Variants in SPHKAP observed in about 807,000 individuals in gnomAD.
SPHKAP encodes the protein A-kinase anchor protein SPHKAP.
SPHKAP carries 67 observed loss-of-function variants against 137.5 expected under a neutral mutation model. That is an observed-to-expected ratio of 0.49 (90% CI 0.40 to 0.60). The LOEUF (loss-of-function observed/expected upper bound fraction) is 0.60. Among genes scored for constraint, SPHKAP ranks in the 20% least tolerant of loss-of-function variants. The probability of loss-of-function intolerance (pLI) is 0.00; values close to 1 mark genes in which losing one functional copy is unlikely to be tolerated. For synonymous variants in SPHKAP, 813 were observed against 785.3 expected (o/e 1.04, Z -0.59); for missense variants, 2,097 against 2,069.3 (o/e 1.01, Z -0.26).
Position 228,017,772 on chromosome 2 carries a change from G to A in SPHKAP, c.3082C>T (p.Leu1028Phe), listed in dbSNP as rs1694666394. The stretch of plus-strand genomic sequence containing the variant: ...TTGACAGAATCTGGGACATCTTCAA[G>A]GTTCATGGACTCATCCACAACCCTG... ...MNRVVDESMN[L>F]EDVPDSVNLF... is the part of the protein sequence containing the mutation. Residue 1028 changes from leucine to phenylalanine, a missense_variant, in exon 7 of 12, where the codon CTT becomes TTT. Transcript: ENST00000392056. 6.2e-7 allele frequency: 1 copy of A among 1,614,110 alleles called. No individual in the cohort carries two copies. The highest frequency in any genetic ancestry group is 8.5e-7 in the Non-Finnish European group (1 of 1,180,032).
At position 228,105,238 on chromosome 2, in the gene SPHKAP, G is replaced by GA. The variant is rs1698303503; in HGVS notation, c.246+3593dup. 2.0e-5 allele frequency among the ~76,000 whole-genome samples: 3 copies of GA among 152,230 alleles called. No homozygotes were observed. In the East Asian group the frequency reaches 5.8e-4, roughly 29 times the overall value. Reference sequence around the variant, plus strand: ...CTGCCTCAGCCTCCCAAAGTGCTGTGATTATTGGCGTGAGCCACAATGCCT... The same window carrying GA: ...CTGCCTCAGCCTCCCAAAGTGCTGTGAATTATTGGCGTGAGCCACAATGCCT... On this transcript the variant is annotated intron_variant, in intron 3 of 11. Transcript: ENST00000392056.
rs1700921374 is a variant in SPHKAP, at chr2:228,181,672, C to A, written c.-74G>T. The A allele has an allele frequency of 1.9e-6, 3 of 1,613,716 alleles. No individual in the cohort carries two copies. Among genetic ancestry groups the A allele is most frequent in the Non-Finnish European group, 2.5e-6 (3 of 1,179,840 alleles). On this transcript the variant is annotated 5_prime_UTR_variant, in exon 1 of 12. Transcript: ENST00000392056. The surrounding 1 kb of genome is among the most constrained non-coding windows in gnomAD (Gnocchi z 4.3). ...AAGTCTGTGGTGCTAGGACCCAGCTCCCAGAGTGCCAGACTGGCGCGCGCC... is the reference window on the plus strand; with the variant it reads ...AAGTCTGTGGTGCTAGGACCCAGCTACCAGAGTGCCAGACTGGCGCGCGCC...
At chr2:228,025,373 T>C (rs767532362) in intron 5 of SPHKAP, 21 bp downstream of exon 5, 8 of 1,612,990 alleles carry the variant, frequency 5.0e-6, no homozygotes, top group Non-Finnish European at 6.8e-6. Flanking sequence ...GTAAATGGCT[T>C]ATCAAGAACT....
chr2:228,035,524 A>T (rs2106247769), intron 3 of SPHKAP, among the ~76,000 whole-genome samples: 1 of 152,288 alleles, frequency 6.6e-6, no homozygotes, highest in Non-Finnish European at 1.5e-5. Context: ...AGAATTGGAA[A>T]AAACTACTTT....
chr2:228,003,978 G>A (rs1254934512), intron 7 of SPHKAP, among the ~76,000 whole-genome samples: 1 of 152,110 alleles, frequency 6.6e-6, no homozygotes, highest in Admixed American at 6.6e-5. Flanking sequence ...TTTTAGTGAG[G>A]ACTTTTGCAT....
intron 2 of SPHKAP, among the ~76,000 whole-genome samples, chr2:228,128,496 C>T (rs1436239414): frequency 1.3e-5 from 2 of 152,072 alleles, no homozygotes; most frequent in African/African-American, 4.8e-5. Flanking sequence ...AACTTTCAAA[C>T]TCATGTTTAT....
At chr2:228,110,013 A>G (rs1698470507) in intron 2 of SPHKAP, among the ~76,000 whole-genome samples, 1 of 149,926 alleles carries the variant, frequency 6.7e-6, no homozygotes, top group Non-Finnish European at 1.5e-5. Flanking sequence ...TCATCTTTTA[A>G]AAGATTCCCA....
rs1256291682 is a variant in SPHKAP at position 228,019,425 on chromosome 2, C to A, written c.1429G>T (p.Val477Phe). ...ISSWPEMEVSVETSSILSGEN... is the reference protein window; with the variant it reads ...ISSWPEMEVSFETSSILSGEN... ...CCAGAGAGGATGCTTGAGGTTTCAA[C>A]AGAGACTTCCATCTCAGGCCAGGAG... Residue 477 changes from valine to phenylalanine, a missense_variant, in exon 7 of 12, where the codon GTT becomes TTT. Coordinates refer to ENST00000392056, the MANE Select transcript of SPHKAP (RefSeq NM_001142644.2). 6.2e-7 allele frequency: 1 copy of A among 1,614,180 alleles called. No individual in the cohort carries two copies. The highest frequency in any genetic ancestry group is 1.3e-5 in the African/African-American group (1 of 75,058).
chr2:228,094,645 A>C (rs913354695), intron 3 of SPHKAP, among the ~76,000 whole-genome samples: 6 of 152,170 alleles, frequency 3.9e-5, no homozygotes, highest in Non-Finnish European at 8.8e-5. Flanking sequence ...ATTAGGATGA[A>C]GATGGTGAAT....
intron 1 of SPHKAP, chr2:228,173,003 T>C: frequency 2.0e-6 from 2 of 984,010 alleles, no homozygotes; most frequent in South Asian, 9.4e-5. Flanking sequence ...TGAATAGCAT[T>C]AATGACCACT....
intron 7 of SPHKAP, among the ~76,000 whole-genome samples, chr2:227,998,379 C>T (rs186350163): frequency 1.3e-5 from 2 of 152,242 alleles, no homozygotes; most frequent in East Asian, 3.9e-4. Flanking sequence ...GAAATGTAAA[C>T]GTGTTCATGG....
intron 3 of SPHKAP, among the ~76,000 whole-genome samples, chr2:228,030,513 C>CAAAAAAAAAAAAAAAAAAAAACAAAAAA (rs11287311): frequency 6.2e-5 from 3 of 48,774 alleles, no homozygotes; most frequent in East Asian, 6.4e-4. Context: ...GATACCATCT[C>CAAAAAAAAAAAAAAAAAAAAACAAAAAA]AAAAAAAAAA....
In SPHKAP at chr2:228,038,687, C is replaced by G. The variant is rs150730769; in HGVS notation, c.247-11144G>C. Among the ~76,000 whole-genome samples, 4 of 152,272 alleles carry G rather than the reference C, an allele frequency of 2.6e-5. No homozygotes were observed. The East Asian group carries it at 7.7e-4, about 29-fold the overall frequency. On this transcript the variant is annotated intron_variant, in intron 3 of 11. Coordinates refer to ENST00000392056, the MANE Select transcript of SPHKAP (RefSeq NM_001142644.2). ...TGGATTTTCCTGCAGTCTTCACATC[C>G]TGTTAGTTCATGAGGGCAGGCCCTG...
At chr2:227,996,773 T>C (rs1035862653) in intron 7 of SPHKAP, among the ~76,000 whole-genome samples, 19 of 152,342 alleles carry the variant, frequency 1.2e-4, no homozygotes, top group Non-Finnish European at 1.8e-4. Context: ...TTCTCCTCTT[T>C]GCCCTTTACA....
chr2:228,060,570 TC>T, intron 3 of SPHKAP, among the ~76,000 whole-genome samples: 1 of 152,226 alleles, frequency 6.6e-6, no homozygotes, highest in Non-Finnish European at 1.5e-5. Flanking sequence ...TTTCAGCATG[TC>T]TTTTTCTGTA....
intron 3 of SPHKAP, among the ~76,000 whole-genome samples, 153 bp from the exon 4 acceptor site, chr2:228,027,696 A>C (rs1695097943): frequency 6.6e-6 from 1 of 152,162 alleles, no homozygotes; most frequent in Admixed American, 6.5e-5. Context: ...GGGCGGGCGC[A>C]GTGGCTTATG....
At chr2:228,155,175 T>C (rs1250636854) in intron 1 of SPHKAP, among the ~76,000 whole-genome samples, 2 of 152,178 alleles carry the variant, frequency 1.3e-5, no homozygotes, top group Non-Finnish European at 2.9e-5. Context: ...ATCTGTTTAA[T>C]GGTTAACAAT....
At chr2:228,012,182 A>G (rs1337007296) in intron 7 of SPHKAP, among the ~76,000 whole-genome samples, 2 of 110,244 alleles carry the variant, frequency 1.8e-5, no homozygotes, top group Non-Finnish European at 2.0e-5. Flanking sequence ...AAAAAAAAAA[A>G]AAAAAAGAAA....
chr2:228,073,035 G>C lies in SPHKAP; in HGVS notation c.246+35797C>G, dbSNP rs1380907206. ...GTTGCTTTATGCTACTAAATTTTAG[G>C]TTAATTTGTTGTTCAGCCATACTAA... On this transcript the variant is annotated intron_variant, in intron 3 of 11. Transcript: ENST00000392056. Among the ~76,000 whole-genome samples the C allele has an allele frequency of 5.3e-5, 8 of 152,204 alleles. No individual in the cohort carries two copies. The East Asian group carries it at 1.5e-3, about 29-fold the overall frequency.
Sources: allele counts gnomAD v4.1 joint callset (sites outside exome capture counted in the v4.1 genomes callset), GRCh38; gene constraint gnomAD v4.1.1; non-coding constraint Gnocchi (gnomAD v3.1); transcripts MANE v1.5; gene names NCBI Gene and HGNC (gene_info 2026-07-23, HGNC 2026-07-21).